Variants in AFG1L observed in about 807,000 individuals in gnomAD.
AFG1L encodes the protein AFG1 like ATPase, also known as AFG1-like ATPase.
AFG1L carries 53 observed loss-of-function variants against 62.2 expected under a neutral mutation model. The observed-to-expected ratio is 0.85, with a 90% CI of 0.68 to 1.07. The LOEUF (loss-of-function observed/expected upper bound fraction) is 1.07. AFG1L is among the 50% of genes least tolerant of loss of function. The pLI is 0.00. For synonymous variants in AFG1L, 228 were observed against 210.3 expected (o/e 1.08, Z -0.73); for missense variants, 555 against 590.5 (o/e 0.94, Z 0.62).
At chr6:108,417,266 G>GA (rs1770345798) in intron 7 of AFG1L, among the ~76,000 whole-genome samples, 3 of 136,294 alleles carry the variant, frequency 2.2e-5, no homozygotes, top group South Asian at 4.7e-4. Flanking sequence ...ACACAGACAC[G>GA]CACACACACA....
At chr6:108,361,773 C>G (rs751981169) in intron 5 of AFG1L, among the ~76,000 whole-genome samples, 3 of 152,200 alleles carry the variant, frequency 2.0e-5, no homozygotes, top group Non-Finnish European at 2.9e-5. Context: ...ACCTCCTTAA[C>G]AAGGCCCATC....
At chr6:108,339,174 A>C (rs1778583835) in intron 2 of AFG1L, among the ~76,000 whole-genome samples, 1 of 149,632 alleles carries the variant, frequency 6.7e-6, no homozygotes, top group African/African-American at 2.5e-5. Context: ...TTTTTGAGAC[A>C]GATTCTTGCT....
intron 8 of AFG1L, among the ~76,000 whole-genome samples, chr6:108,468,967 C>A (rs1772783397): frequency 6.6e-6 from 1 of 152,058 alleles, no homozygotes; most frequent in African/African-American, 2.4e-5. Context: ...TCTTCCCTTT[C>A]TGCTCTCTTA....
chr6:108,302,950 C>T (rs547830158), intron 1 of AFG1L, among the ~76,000 whole-genome samples: 1 of 151,894 alleles, frequency 6.6e-6, no homozygotes, highest in Admixed American at 6.6e-5. Flanking sequence ...AAAAAAGTTT[C>T]CTTGACTCTG....
chr6:108,488,571 G>A (rs1382126055), intron 10 of AFG1L, among the ~76,000 whole-genome samples: 1 of 152,042 alleles, frequency 6.6e-6, no homozygotes, highest in African/African-American at 2.4e-5. Flanking sequence ...CAAGAGTTGG[G>A]GCTGGGCGCA....
At chr6:108,402,268 A>T (rs562927198) in intron 7 of AFG1L, among the ~76,000 whole-genome samples, 10 of 151,996 alleles carry the variant, frequency 6.6e-5, no homozygotes, top group South Asian at 4.2e-4. Flanking sequence ...TTCAAGACCA[A>T]CCTGACCAAC....
intron 7 of AFG1L, among the ~76,000 whole-genome samples, chr6:108,436,708 G>T (rs559322924): frequency 3.9e-5 from 6 of 152,178 alleles, no homozygotes; most frequent in Non-Finnish European, 5.9e-5. Context: ...AAATGCCTGC[G>T]TTTGAATCCT....
intron 7 of AFG1L, among the ~76,000 whole-genome samples, chr6:108,412,878 T>C (rs1182141744): frequency 6.6e-6 from 1 of 152,162 alleles, no homozygotes; most frequent in Non-Finnish European, 1.5e-5. Flanking sequence ...AATAACCAGC[T>C]AACATCATAA....
intron 1 of AFG1L, among the ~76,000 whole-genome samples, chr6:108,297,156 G>C (rs1776793852): frequency 6.6e-6 from 1 of 151,960 alleles, no homozygotes; most frequent in Admixed American, 6.6e-5. Flanking sequence ...TCCCAGACTG[G>C]AGTGCAATGG....
At chr6:108,419,141 A>C (rs183349841) in intron 7 of AFG1L, among the ~76,000 whole-genome samples, 59 of 152,286 alleles carry the variant, frequency 3.9e-4, no homozygotes, top group Non-Finnish European at 4.1e-4. Flanking sequence ...TTTCAATGTG[A>C]ATTTCATTAG....
intron 1 of AFG1L, among the ~76,000 whole-genome samples, chr6:108,318,980 C>T: frequency 6.6e-6 from 1 of 152,208 alleles, no homozygotes; most frequent in East Asian, 1.9e-4. Context: ...GCCAATCTGT[C>T]AGCCTTGAGT....
At chr6:108,450,575 T>G (rs1345100934) in intron 8 of AFG1L, among the ~76,000 whole-genome samples, 1 of 152,234 alleles carries the variant, frequency 6.6e-6, no homozygotes, top group Admixed American at 6.5e-5. Context: ...TGGTAGTTTC[T>G]TTTGCTGTGC....
intron 7 of AFG1L, among the ~76,000 whole-genome samples, chr6:108,434,749 A>G (rs1013960777): frequency 3.3e-5 from 5 of 152,330 alleles, no homozygotes; most frequent in South Asian, 2.1e-4. Flanking sequence ...GCCAGCTTCT[A>G]TAGCCCCATT....
chr6:108,318,661 C>T (rs984747826), intron 1 of AFG1L, among the ~76,000 whole-genome samples: 8 of 152,074 alleles, frequency 5.3e-5, no homozygotes, highest in Non-Finnish European at 1.0e-4. Flanking sequence ...GTAGGATCTT[C>T]CTGAAACTTA....
At chr6:108,382,146 A>G (rs1780568282) in intron 6 of AFG1L, among the ~76,000 whole-genome samples, 1 of 151,830 alleles carries the variant, frequency 6.6e-6, no homozygotes, top group Non-Finnish European at 1.5e-5. Flanking sequence ...GATTACAGGC[A>G]CGCGCCACCA....
chr6:108,383,382 A>G (rs942807817), intron 6 of AFG1L, among the ~76,000 whole-genome samples: 3 of 152,242 alleles, frequency 2.0e-5, no homozygotes, highest in African/African-American at 7.2e-5. Flanking sequence ...TGCAATACAG[A>G]TGATCCAAGC....
At chr6:108,514,040 G>T (rs1010536850) in intron 11 of AFG1L, among the ~76,000 whole-genome samples, 8 of 152,204 alleles carry the variant, frequency 5.3e-5, no homozygotes, top group African/African-American at 1.7e-4. Context: ...CAACAGACCT[G>T]CAGCTGAGAG....
At chr6:108,491,499 A>G (rs1562193287) in intron 10 of AFG1L, among the ~76,000 whole-genome samples, 2 of 152,236 alleles carry the variant, frequency 1.3e-5, no homozygotes, top group African/African-American at 2.4e-5. Context: ...CTATGCTATA[A>G]GGGCAAAAAT....
At chr6:108,432,424 C>T (rs766821474) in intron 7 of AFG1L, among the ~76,000 whole-genome samples, 3 of 152,122 alleles carry the variant, frequency 2.0e-5, no homozygotes, top group Non-Finnish European at 2.9e-5. Context: ...TCAAATAGTT[C>T]TGGACTACTC....
Sources: gnomAD v4.1 joint callset for allele counts (sites outside exome capture counted in the v4.1 genomes callset) on GRCh38, gnomAD v4.1.1 for gene constraint, MANE v1.5 for transcripts, NCBI Gene and HGNC (gene_info 2026-07-23, HGNC 2026-07-21) for gene names.